FAM186A: variants seen among roughly 807,000 people sequenced by gnomAD.
FAM186A encodes family with sequence similarity 186 member A, also known as protein FAM186A.
Under a neutral mutation model 216.8 loss-of-function variants are expected in FAM186A, and 163 were observed. That is an observed-to-expected ratio of 0.75 (90% CI 0.66 to 0.86). FAM186A has a LOEUF of 0.86. FAM186A is among the 40% of genes least tolerant of loss of function. FAM186A has a pLI of 0.00. For missense variants in FAM186A, 2,184 were observed against 2,746.2 expected (o/e 0.80, Z 4.58); for synonymous variants, 805 against 1,025.3 (o/e 0.79, Z 4.10).
At chr12:50,388,136 C>T (rs1167869920) in intron 1 of FAM186A, among the ~76,000 whole-genome samples, 2 of 152,174 alleles carry the variant, frequency 1.3e-5, no homozygotes, top group East Asian at 3.9e-4. Flanking sequence ...TTCCCCACCC[C>T]TGAAGGTTGG....
Position 50,360,938 on chromosome 12 carries a change from TAA to T in FAM186A, c.413-14_413-13del. On this transcript the variant is annotated splice_polypyrimidine_tract_variant and intron_variant, in intron 2 of 7. Transcript: ENST00000327337. ...AGACAAAACATCATCTTGAAGAGAGTAAAAAAAAAATCATTTTTGTGCAGAAA... is the reference window on the plus strand; with the variant it reads ...AGACAAAACATCATCTTGAAGAGAGTAAAAAAAATCATTTTTGTGCAGAAA... The T allele has an allele frequency of 7.0e-7, 1 of 1,431,076 alleles. No homozygotes were observed. The highest frequency in any genetic ancestry group is 1.4e-5 in the South Asian group (1 of 72,006). 88.6% of individuals were successfully genotyped at this position (1,431,076 alleles called of 1,614,324 possible).
intron 4 of FAM186A, among the ~76,000 whole-genome samples, chr12:50,335,602 C>A (rs1195361307): frequency 6.6e-6 from 1 of 151,688 alleles, no homozygotes; most frequent in African/African-American, 2.4e-5. Flanking sequence ...CGAGATCGTG[C>A]CACTGCACTC....
chr12:50,372,998 TGAAAGAAA>T (rs71083549), intron 1 of FAM186A, among the ~76,000 whole-genome samples: 530 of 48,962 alleles, frequency 0.011, 9 homozygotes, highest in African/African-American at 0.035. Context: ...AAGGAAGGAA[TGAAAGAAA>T]GAAAGAAAGA....
chr12:50,389,868 T>G (rs968545540), intron 1 of FAM186A, among the ~76,000 whole-genome samples: 3 of 152,218 alleles, frequency 2.0e-5, no homozygotes, highest in Non-Finnish European at 4.4e-5. Flanking sequence ...AAATCACCAC[T>G]AAGGAATCTT....
chr12:50,341,300 C>T (rs1942760543), intron 4 of FAM186A, among the ~76,000 whole-genome samples: 1 of 152,116 alleles, frequency 6.6e-6, no homozygotes, highest in South Asian at 2.1e-4. Context: ...ATCTTCTTGA[C>T]CTAGCCATCC....
chr12:50,356,265 A>C lies in FAM186A; in HGVS notation c.584-17T>G, dbSNP rs1156428410. On this transcript the variant is annotated splice_polypyrimidine_tract_variant and intron_variant, in intron 3 of 7. Transcript: ENST00000327337. ...CTCTAGATACTGAAGAACAAAACATAAAACAGTGAGATGGCATTTTTTTCT... is the reference window on the plus strand; with the variant it reads ...CTCTAGATACTGAAGAACAAAACATCAAACAGTGAGATGGCATTTTTTTCT... 3.3e-6 allele frequency: 5 copies of C among 1,502,498 alleles called. No individual in the cohort carries two copies. The highest frequency in any genetic ancestry group is 4.4e-6 in the Non-Finnish European group (5 of 1,129,046). 93.1% of individuals were successfully genotyped at this position (1,502,498 alleles called of 1,614,324 possible).
chr12:50,346,259 A>AAGAG (rs1555215389), intron 4 of FAM186A, among the ~76,000 whole-genome samples: 3 of 150,620 alleles, frequency 2.0e-5, no homozygotes, highest in African/African-American at 7.3e-5. Flanking sequence ...GAAAGAAAGA[A>AAGAG]AGAAAGTCAT....
intron 4 of FAM186A, among the ~76,000 whole-genome samples, chr12:50,348,106 G>A (rs947804039): frequency 7.5e-5 from 11 of 147,206 alleles, no homozygotes; most frequent in Non-Finnish European, 1.3e-4. Context: ...GTGCAATGGC[G>A]CAATCTCTGC....
chr12:50,327,921 G>A (rs1453345100), intron 7 of FAM186A, among the ~76,000 whole-genome samples: 3 of 152,078 alleles, frequency 2.0e-5, no homozygotes, highest in African/African-American at 7.2e-5. Context: ...AAAGGACTTG[G>A]CAATAGCTTA....
chr12:50,373,008 AAAGAAAGAAAG>A (rs1374162662), intron 1 of FAM186A, among the ~76,000 whole-genome samples: 2 of 93,142 alleles, frequency 2.1e-5, no homozygotes, highest in African/African-American at 9.3e-5. Flanking sequence ...TGAAAGAAAG[AAAGAAAGAAAG>A]AAAGAAAGAA....
chr12:50,355,531 CT>C lies in FAM186A; in HGVS notation c.1300del (p.Ser434AlafsTer8). On this transcript the variant is annotated frameshift_variant, in exon 4 of 8. Transcript: ENST00000327337. LOFTEE classifies it high-confidence loss of function. The stretch of plus-strand genomic sequence containing the variant: ...CTTCAATGATACGTTATCTTTAGTG[CT>C]GTCTTCGGAAATATCTTCAGAAGCA... ...PVASEDISED[S>X]TKDNVSLKKG... 1 of 1,551,468 alleles carries C rather than the reference CT, an allele frequency of 6.4e-7. No homozygotes were observed. Among genetic ancestry groups the C allele is most frequent in the South Asian group, 1.2e-5 (1 of 84,026 alleles).
At chr12:50,382,289 T>TAG (rs1040242052) in intron 1 of FAM186A, among the ~76,000 whole-genome samples, 5 of 151,124 alleles carry the variant, frequency 3.3e-5, no homozygotes, top group African/African-American at 1.2e-4. Context: ...CACACATGCT[T>TAG]AGAGATACGA....
chr12:50,354,554 G>A lies in FAM186A; in HGVS notation c.2278C>T (p.Pro760Ser), dbSNP rs1170331071. The change falls in exon 4 of 8, where the codon CCA becomes TCA. Residue 760 changes from proline (P) to serine (S), a missense_variant. This residue lies in a region of FAM186A where 1,132 missense variants were observed against 1,263.4 expected (regional missense o/e 0.90). Transcript: ENST00000327337. ...IKQKKVVSFMPGLHFQKSPIS... is the reference protein window; with the variant it reads ...IKQKKVVSFMSGLHFQKSPIS... Reference sequence around the variant, plus strand: ...GGTGACTTCTGAAAATGCAATCCTGGCATAAATGAGACTACCTTTTTTTGT... The same window carrying A: ...GGTGACTTCTGAAAATGCAATCCTGACATAAATGAGACTACCTTTTTTTGT... 1 of 1,551,468 alleles carries A rather than the reference G, an allele frequency of 6.4e-7. No individual in the cohort carries two copies.
intron 4 of FAM186A, among the ~76,000 whole-genome samples, chr12:50,338,868 G>A (rs1942736276): frequency 6.6e-6 from 1 of 152,124 alleles, no homozygotes; most frequent in East Asian, 1.9e-4. Flanking sequence ...ATAAGCCCCT[G>A]TATGCACATA....
intron 2 of FAM186A, among the ~76,000 whole-genome samples, chr12:50,361,221 CAG>C (rs1339879148): frequency 6.6e-6 from 1 of 152,098 alleles, no homozygotes; most frequent in Non-Finnish European, 1.5e-5. Context: ...TGTTTTGAGA[CAG>C]AGTCTTGCTT....
chr12:50,369,012 C>CT (rs1259252488), intron 1 of FAM186A, among the ~76,000 whole-genome samples: 7 of 149,088 alleles, frequency 4.7e-5, no homozygotes, highest in Non-Finnish European at 1.0e-4. Context: ...AACTGAATAC[C>CT]TACACATGAA....
chr12:50,361,253 C>T (rs951483057), intron 2 of FAM186A, among the ~76,000 whole-genome samples: 3 of 152,168 alleles, frequency 2.0e-5, no homozygotes, highest in East Asian at 1.9e-4. Flanking sequence ...GGCTGGAGTG[C>T]GGAGGCGCAA....
At chr12:50,384,662 A>G (rs1284955019) in intron 1 of FAM186A, among the ~76,000 whole-genome samples, 1 of 63,834 alleles carries the variant, frequency 1.6e-5, no homozygotes, top group African/African-American at 2.6e-5. Context: ...CAGTCGATTG[A>G]TTTTCAGCAA....
At chr12:50,383,940 A>G (rs1943278474) in intron 1 of FAM186A, among the ~76,000 whole-genome samples, 1 of 152,110 alleles carries the variant, frequency 6.6e-6, no homozygotes, top group South Asian at 2.1e-4. Flanking sequence ...TAACATGGTG[A>G]GACCCTATCT....
Sources: gnomAD v4.1 joint callset for allele counts (sites outside exome capture counted in the v4.1 genomes callset) on GRCh38, gnomAD v4.1.1 for gene constraint, gnomAD v4.1.1 regional missense constraint, MANE v1.5 for transcripts, NCBI Gene and HGNC (gene_info 2026-07-23, HGNC 2026-07-21) for gene names.